UNC13C: variants seen among roughly 807,000 people sequenced by gnomAD.
The protein encoded by UNC13C is unc-13 homolog C, also known as protein unc-13 homolog C.
Under a neutral mutation model 245.4 loss-of-function variants are expected in UNC13C, and 174 were observed. That is an observed-to-expected ratio of 0.71 (90% CI 0.63 to 0.80). The LOEUF is 0.80. Among genes scored for constraint, UNC13C ranks in the 30% least tolerant of loss-of-function variants. The pLI, the probability that UNC13C is intolerant of heterozygous loss-of-function variation, is 0.00. For synonymous variants in UNC13C, 992 were observed against 895.1 expected, an observed-to-expected ratio of 1.11 and a Z score of -1.93; for missense variants, 2,829 against 2,602.9, an observed-to-expected ratio of 1.09 and a Z score of -1.89.
At chr15:54,288,563 G>A (rs931809525) in intron 10 of UNC13C, among the ~76,000 whole-genome samples, 1 of 151,732 alleles carries the variant, frequency 6.6e-6, no homozygotes, top group African/African-American at 2.4e-5. Context: ...GCTGTAGCCA[G>A]CCAAATGTGA....
chr15:54,261,926 C>G (rs1452629189), intron 8 of UNC13C, among the ~76,000 whole-genome samples: 8 of 152,172 alleles, frequency 5.3e-5, no homozygotes, highest in Non-Finnish European at 1.2e-4. Flanking sequence ...TATTAACCTG[C>G]TGTCCACCGA....
intron 4 of UNC13C, among the ~76,000 whole-genome samples, chr15:54,149,832 A>T (rs916968662): frequency 1.3e-5 from 2 of 152,254 alleles, no homozygotes; most frequent in Non-Finnish European, 2.9e-5. Context: ...TAAGAAACAC[A>T]AATAGAAATA....
At chr15:54,001,401 A>C (rs1193586987) in intron 1 of UNC13C, among the ~76,000 whole-genome samples, 1 of 152,214 alleles carries the variant, frequency 6.6e-6, no homozygotes, top group Non-Finnish European at 1.5e-5. Flanking sequence ...AACTGCATGT[A>C]ACACTATAGA....
chr15:53,939,269 C>T, the UNC13C span, among the ~76,000 whole-genome samples: 7 of 152,030 alleles, frequency 4.6e-5, no homozygotes, highest in African/African-American at 7.2e-5. Flanking sequence ...ACACGTACAC[C>T]GTCTCAAGAC....
At chr15:53,906,346 T>C in the UNC13C span, among the ~76,000 whole-genome samples, 57 of 152,172 alleles carry the variant, frequency 3.7e-4, no homozygotes, top group Non-Finnish European at 2.1e-4. Flanking sequence ...AATTGAGTTA[T>C]ATGAATATCC....
chr15:54,460,210 G>A (rs1400279300), intron 19 of UNC13C, among the ~76,000 whole-genome samples: 1 of 152,222 alleles, frequency 6.6e-6, no homozygotes, highest in Non-Finnish European at 1.5e-5. Flanking sequence ...GGCTTGTGCT[G>A]TGGAATGTTT....
At chr15:53,938,953 A>C in the UNC13C span, among the ~76,000 whole-genome samples, 1 of 152,158 alleles carries the variant, frequency 6.6e-6, no homozygotes, top group Non-Finnish European at 1.5e-5. Flanking sequence ...CAGAGAACCA[A>C]GAGCAAACCT....
the UNC13C span, among the ~76,000 whole-genome samples, chr15:53,900,084 A>G: frequency 6.6e-6 from 1 of 152,222 alleles, no homozygotes; most frequent in Non-Finnish European, 1.5e-5. Context: ...CCTGAATCCT[A>G]CTATTAAAAT....
At chr15:54,347,379 T>G (rs762743396) in intron 17 of UNC13C, among the ~76,000 whole-genome samples, 6 of 152,202 alleles carry the variant, frequency 3.9e-5, no homozygotes, top group Non-Finnish European at 7.3e-5. Context: ...AATAAAACCT[T>G]TCTGCCTAAG....
At chr15:54,097,122 C>T (rs1220391497) in intron 2 of UNC13C, among the ~76,000 whole-genome samples, 2 of 152,176 alleles carry the variant, frequency 1.3e-5, no homozygotes, top group Non-Finnish European at 2.9e-5. Context: ...TTAGTGTTCT[C>T]ATAGTAGTGT....
chr15:54,494,817 A>G (rs1370195785), intron 20 of UNC13C, 83 bp downstream of exon 20: 3 of 1,456,850 alleles, frequency 2.1e-6, no homozygotes, highest in Non-Finnish European at 2.8e-6. Context: ...TACCACTAAA[A>G]TCTCTTCACA....
At chr15:53,901,737 A>G in the UNC13C span, among the ~76,000 whole-genome samples, 1 of 152,210 alleles carries the variant, frequency 6.6e-6, no homozygotes, top group Admixed American at 6.5e-5. Flanking sequence ...TTGATTTCCA[A>G]AAACATTTTG....
Position 54,300,374 on chromosome 15 carries a change from G to A in UNC13C, c.4268+1G>A. Reference sequence around the variant, plus strand: ...TTGAATCCATTTATCAAGCTATGACGTAAGTACTACAGAACATTTACATGG... The same window carrying A: ...TTGAATCCATTTATCAAGCTATGACATAAGTACTACAGAACATTTACATGG... On this transcript the variant is annotated splice_donor_variant, in intron 13 of 32. Transcript: ENST00000260323. LOFTEE classifies it high-confidence loss of function. The A allele has an allele frequency of 5.7e-6, 9 of 1,566,636 alleles. No homozygotes were observed. The highest frequency in any genetic ancestry group is 7.8e-6 in the Non-Finnish European group (9 of 1,154,060).
chr15:53,939,242 A>C, the UNC13C span, among the ~76,000 whole-genome samples: 1 of 152,212 alleles, frequency 6.6e-6, no homozygotes, highest in Non-Finnish European at 1.5e-5. Context: ...ATCTAGAATA[A>C]ATGGATAAAT....
intron 2 of UNC13C, among the ~76,000 whole-genome samples, chr15:54,110,566 A>C (rs960034088): frequency 6.6e-6 from 1 of 152,216 alleles, no homozygotes; most frequent in African/African-American, 2.4e-5. Context: ...TTTCAAAATG[A>C]TTAAAAGAGG....
At chr15:54,454,603 C>T (rs12595175) in intron 19 of UNC13C, among the ~76,000 whole-genome samples, 1 of 151,696 alleles carries the variant, frequency 6.6e-6, no homozygotes, top group East Asian at 1.9e-4. Context: ...TCCCCATGCC[C>T]TTCCTCCAAG....
chr15:53,919,077 T>C, the UNC13C span, among the ~76,000 whole-genome samples: 1 of 152,056 alleles, frequency 6.6e-6, no homozygotes, highest in Non-Finnish European at 1.5e-5. Context: ...ACTCGCCAAT[T>C]TTTTTTCTTA....
chr15:54,008,480 T>C (rs1895240226), intron 1 of UNC13C, among the ~76,000 whole-genome samples: 1 of 152,202 alleles, frequency 6.6e-6, no homozygotes, highest in Admixed American at 6.5e-5. Flanking sequence ...AGTCTATTGT[T>C]TTAATCTCTT....
At chr15:54,037,745 A>C (rs988829036) in intron 2 of UNC13C, among the ~76,000 whole-genome samples, 1 of 152,084 alleles carries the variant, frequency 6.6e-6, no homozygotes, top group Non-Finnish European at 1.5e-5. Context: ...AACGCCATTC[A>C]CTTTGCACTT....
Sources: allele counts gnomAD v4.1 joint callset (sites outside exome capture counted in the v4.1 genomes callset), GRCh38; gene constraint gnomAD v4.1.1; transcripts MANE v1.5; gene names NCBI Gene and HGNC (gene_info 2026-07-23, HGNC 2026-07-21).